Variants in RAB33A observed in about 807,000 individuals in gnomAD.
RAB33A encodes ras-related protein Rab-33A.
A neutral mutation model predicts 12.0 loss-of-function variants in RAB33A; 6 were observed. That is an observed-to-expected ratio of 0.50 (90% confidence interval 0.27 to 0.99). RAB33A has a LOEUF of 0.99. Among genes scored for constraint, RAB33A ranks in the 50% least tolerant of loss-of-function variants. RAB33A has a pLI of 0.11. For missense variants in RAB33A, 109 were observed against 192.0 expected (o/e 0.57, Z 2.55); for synonymous variants, 70 against 82.4 (o/e 0.85, Z 0.81).
the RAB33A span, among the ~76,000 whole-genome samples, chrX:130,117,880 G>A: frequency 8.9e-6 from 1 of 112,691 alleles, no homozygotes; most frequent in Non-Finnish European, 1.9e-5. Context: ...TGTCCTCAGA[G>A]TGAAGCTGGG....
At chrX:130,123,009 C>T in the RAB33A span, among the ~76,000 whole-genome samples, 1 of 111,516 alleles carries the variant, frequency 9.0e-6, no homozygotes, top group Non-Finnish European at 1.9e-5. Flanking sequence ...CCAGCAAAAC[C>T]TGTACATCTA....
chrX:130,137,870 C>T, the RAB33A span: 1 of 456,455 alleles, frequency 2.2e-6, no homozygotes, highest in African/African-American at 2.7e-5. Context: ...CAAGACCAGC[C>T]TGACCAACAT....
At chrX:130,127,691 C>CTTTTTTTTTT in the RAB33A span, among the ~76,000 whole-genome samples, 86 of 76,977 alleles carry the variant, frequency 1.1e-3, 2 homozygotes, top group African/African-American at 4.5e-3. Flanking sequence ...ATGAGTTTTC[C>CTTTTTTTTTT]TTTTTTTTTT....
At chrX:130,156,748 G>A in the RAB33A span, 1 of 670,565 alleles carries the variant, frequency 1.5e-6, no homozygotes, top group South Asian at 2.6e-5. Flanking sequence ...CATCAAAACT[G>A]CATATATAAA....
chrX:130,182,177 T>TACAC (rs1322711696), intron 1 of RAB33A, among the ~76,000 whole-genome samples: 7,390 of 48,872 alleles, frequency 0.15, 1,271 homozygotes, highest in African/African-American at 0.46. Flanking sequence ...TATATATATA[T>TACAC]ATATACACAT....
the RAB33A span, among the ~76,000 whole-genome samples, chrX:130,129,174 C>T: frequency 9.0e-6 from 1 of 111,020 alleles, no homozygotes; most frequent in Non-Finnish European, 1.9e-5. Flanking sequence ...GAGGCCACAG[C>T]AGGTGTGTGC....
At chrX:130,158,947 G>A in the RAB33A span, among the ~76,000 whole-genome samples, 4 of 110,659 alleles carry the variant, frequency 3.6e-5, no homozygotes, top group African/African-American at 6.6e-5. Context: ...GGCCACAGAC[G>A]GGTAAAAACA....
chrX:130,130,208 C>A, the RAB33A span: 26 of 1,190,823 alleles, frequency 2.2e-5, no homozygotes, highest in Non-Finnish European at 2.5e-5. Context: ...GAAGCAAAAT[C>A]AAAACTTCAG....
At chrX:130,126,240 C>G in the RAB33A span, among the ~76,000 whole-genome samples, 1 of 112,088 alleles carries the variant, frequency 8.9e-6, no homozygotes, top group African/African-American at 3.2e-5. Flanking sequence ...CCTGTAATCT[C>G]AGCACTTTGG....
chrX:130,150,959 T>C, the RAB33A span, among the ~76,000 whole-genome samples: 62 of 69,695 alleles, frequency 8.9e-4, no homozygotes, highest in African/African-American at 1.8e-3. Flanking sequence ...GCCTGGGCGA[T>C]AGAGTGAGAC....
the RAB33A span, chrX:130,165,495 G>A: frequency 2.3e-5 from 23 of 1,011,567 alleles, no homozygotes; most frequent in African/African-American, 3.2e-4. Flanking sequence ...CAAGGCACAG[G>A]GAGCCTAAGG....
the RAB33A span, among the ~76,000 whole-genome samples, chrX:130,151,238 T>A: frequency 9.2e-6 from 1 of 108,754 alleles, no homozygotes; most frequent in Non-Finnish European, 1.9e-5. Context: ...CCTCCTGGGT[T>A]CAAGCGATTC....
chrX:130,184,353 C>G lies in RAB33A; in HGVS notation c.327C>G (p.Asn109Lys). The change falls in exon 2 of 2, where the codon AAC (asparagine) becomes AAG (lysine). Residue 109 changes from asparagine (N) to lysine (K), a missense_variant. Transcript: ENST00000257017. Reference protein sequence around the residue: ...RKSMVEHYYRNVHAVVFVYDV... With the variant: ...RKSMVEHYYRKVHAVVFVYDV... The stretch of plus-strand genomic sequence containing the variant: ...GCATGGTCGAGCATTACTACCGCAA[C>G]GTACATGCCGTGGTCTTCGTCTATG... The G allele has an allele frequency of 8.3e-7, 1 of 1,211,854 alleles. No individual in the cohort carries two copies. The highest frequency in any genetic ancestry group is 1.1e-6 in the Non-Finnish European group (1 of 895,499).
At chrX:130,147,732 C>CA in the RAB33A span, 1 of 1,211,746 alleles carries the variant, frequency 8.3e-7, no homozygotes, top group South Asian at 1.8e-5. Flanking sequence ...CTGTGCCAAG[C>CA]AAAAAAACAT....
At chrX:130,111,609 G>A in the RAB33A span, among the ~76,000 whole-genome samples, 1 of 112,221 alleles carries the variant, frequency 8.9e-6, no homozygotes, top group East Asian at 2.8e-4. Flanking sequence ...CGGGAAGTTG[G>A]GGTGGGGGAC....
At chrX:130,164,665 T>C in the RAB33A span, among the ~76,000 whole-genome samples, 1 of 111,910 alleles carries the variant, frequency 8.9e-6, no homozygotes, top group Non-Finnish European at 1.9e-5. Context: ...TGATGTACAA[T>C]GGGCTAATTA....
the RAB33A span, among the ~76,000 whole-genome samples, chrX:130,118,830 T>C: frequency 9.0e-6 from 1 of 111,291 alleles, no homozygotes; most frequent in African/African-American, 3.3e-5. Flanking sequence ...TGCATGTGTG[T>C]GCATATGCCT....
upstream of RAB33A, among the ~76,000 whole-genome samples, chrX:130,171,001 A>G (rs756483443): frequency 6.4e-4 from 72 of 113,149 alleles, no homozygotes; most frequent in African/African-American, 2.2e-3. Flanking sequence ...TTGGCCAGCC[A>G]AACACAACCG....
the RAB33A span, chrX:130,149,328 G>T: frequency 1.8e-6 from 1 of 546,072 alleles, no homozygotes; most frequent in Non-Finnish European, 3.2e-6. Context: ...CCAGTTCTAG[G>T]GTAATACCAT....
Sources: gnomAD v4.1 joint callset for allele counts (sites outside exome capture counted in the v4.1 genomes callset) on GRCh38, gnomAD v4.1.1 for gene constraint, MANE v1.5 for transcripts, NCBI Gene and HGNC (gene_info 2026-07-23, HGNC 2026-07-21) for gene names.